FAM168B: variants seen among roughly 807,000 people sequenced by gnomAD.
FAM168B encodes the protein myelin-associated neurite-outgrowth inhibitor.
Under a neutral mutation model 21.8 loss-of-function variants are expected in FAM168B, and 19 were observed. The observed-to-expected ratio is 0.87, with a 90% CI of 0.61 to 1.28. FAM168B has a LOEUF of 1.28. Among genes scored for constraint, FAM168B ranks in the 50% most tolerant of loss-of-function variants. The pLI, the probability that FAM168B is intolerant of heterozygous loss-of-function variation, is 0.00. For synonymous variants in FAM168B, 126 were observed against 104.8 expected (o/e 1.20, Z -1.24); for missense variants, 233 against 263.1 (o/e 0.89, Z 0.79).
rs1304202860 is a variant in FAM168B, at chr2:131,052,290, G to C, written c.*175C>G. The C allele has an allele frequency of 1.0e-6, 1 of 985,840 alleles. No homozygotes were observed. Among genetic ancestry groups the C allele is most frequent in the African/African-American group, 1.7e-5 (1 of 57,248 alleles). The allele number at this position is 985,840 out of a possible 1,614,324, so 61.1% of individuals were successfully genotyped here. Reference sequence around the variant, plus strand: ...ATTTGCTTTAAGACCAACCCACAGAGTCAGCTGGAGACTAACGGCGCTGGG... The same window carrying C: ...ATTTGCTTTAAGACCAACCCACAGACTCAGCTGGAGACTAACGGCGCTGGG... On this transcript the variant is annotated 3_prime_UTR_variant, in exon 7 of 7. Coordinates refer to ENST00000389915, the MANE Select transcript of FAM168B (RefSeq NM_001009993.4).
At chr2:131,090,318 T>G (rs946257058) in intron 1 of FAM168B, among the ~76,000 whole-genome samples, 15 of 91,606 alleles carry the variant, frequency 1.6e-4, no homozygotes, top group Non-Finnish European at 2.4e-4. Context: ...GACTCTTGTC[T>G]CAAAAAAAAA....
chr2:131,087,209 C>T (rs1236273800), intron 1 of FAM168B, among the ~76,000 whole-genome samples: 2 of 152,094 alleles, frequency 1.3e-5, no homozygotes, highest in African/African-American at 4.8e-5. Context: ...CGGCTCATGC[C>T]TGTAATCCCA....
intron 2 of FAM168B, among the ~76,000 whole-genome samples, chr2:131,075,784 G>A (rs990780759): frequency 2.0e-5 from 3 of 151,962 alleles, no homozygotes; most frequent in African/African-American, 7.3e-5. Context: ...CACCGCGCCC[G>A]GCCCCCCAGT....
intron 1 of FAM168B, among the ~76,000 whole-genome samples, chr2:131,085,730 A>G (rs1228931665): frequency 6.6e-6 from 1 of 152,218 alleles, no homozygotes; most frequent in Non-Finnish European, 1.5e-5. Context: ...TTAAACTTCT[A>G]AACCAAATCC....
intron 3 of FAM168B, among the ~76,000 whole-genome samples, chr2:131,065,807 G>GAA (rs796177546): frequency 1.5e-4 from 14 of 94,834 alleles, no homozygotes; most frequent in African/African-American, 4.8e-4. Flanking sequence ...AAGAAAAAAA[G>GAA]AAAAAAAAAA....
chr2:131,082,639 G>C lies in FAM168B; in HGVS notation c.8C>G (p.Pro3Arg). 3 of 1,600,700 alleles carry C rather than the reference G, an allele frequency of 1.9e-6. No individual in the cohort carries two copies. Among genetic ancestry groups the C allele is most frequent in the Non-Finnish European group, 2.6e-6 (3 of 1,175,638 alleles). ...CCCAGAAGATCCAGGACTATAAACA[G>C]GATTCATGATTTCAAAAACTAAAAG... Reference protein sequence around the residue: MNPVYSPGSSGVP... With the variant: MNRVYSPGSSGVP... Residue 3 changes from proline to arginine, a missense_variant, in exon 2 of 7, where the codon CCT becomes CGT. Coordinates refer to ENST00000389915, the MANE Select transcript of FAM168B (RefSeq NM_001009993.4).
At chr2:131,060,040 G>A (rs916555190) in intron 3 of FAM168B, among the ~76,000 whole-genome samples, 1 of 151,440 alleles carries the variant, frequency 6.6e-6, no homozygotes, top group Non-Finnish European at 1.5e-5. Context: ...TTTTTTTTTG[G>A]ATGGAGTCTC....
rs189433128 is a variant in FAM168B, at chr2:131,088,118, C to T, written c.-12+5096G>A. 2.9e-3 allele frequency among the ~76,000 whole-genome samples: 437 copies of T among 152,162 alleles called. 1 individual carries two copies. The highest frequency in any genetic ancestry group is 1.0e-2 in the African/African-American group (415 of 41,504). ...AAAATTAGCTGGGCGTGGTGGCACA[C>T]ACCTGTAATCCCAGCTACTCGGGAG... is the stretch of plus-strand genomic sequence containing the variant. On this transcript the variant is annotated intron_variant, in intron 1 of 6. Coordinates refer to ENST00000389915, the MANE Select transcript of FAM168B (RefSeq NM_001009993.4).
At chr2:131,065,543 C>T (rs1692507709) in intron 3 of FAM168B, among the ~76,000 whole-genome samples, 1 of 152,082 alleles carries the variant, frequency 6.6e-6, no homozygotes, top group Non-Finnish European at 1.5e-5. Context: ...AATCCCAGCA[C>T]TTTGGGAGGC....
At chr2:131,078,383 A>C (rs1317831444) in intron 2 of FAM168B, among the ~76,000 whole-genome samples, 2 of 152,224 alleles carry the variant, frequency 1.3e-5, no homozygotes, top group African/African-American at 4.8e-5. Flanking sequence ...ATCTGTATTA[A>C]AGCTCATGGA....
At chr2:131,089,815 C>T (rs1693914924) in intron 1 of FAM168B, among the ~76,000 whole-genome samples, 1 of 151,834 alleles carries the variant, frequency 6.6e-6, no homozygotes, top group African/African-American at 2.4e-5. Flanking sequence ...GGGCAGATCA[C>T]GAGGTCAGGA....
intron 3 of FAM168B, among the ~76,000 whole-genome samples, chr2:131,068,486 T>C (rs1399637532): frequency 6.6e-6 from 1 of 152,148 alleles, no homozygotes; most frequent in Admixed American, 6.5e-5. Context: ...TTCACCAATT[T>C]CACAGCTTCT....
intron 1 of FAM168B, among the ~76,000 whole-genome samples, chr2:131,085,044 G>A (rs1693613055): frequency 6.6e-6 from 1 of 152,122 alleles, no homozygotes; most frequent in Non-Finnish European, 1.5e-5. Flanking sequence ...GACGTATGTG[G>A]TTATAAAGAT....
intron 1 of FAM168B, among the ~76,000 whole-genome samples, chr2:131,084,739 G>A (rs985176216): frequency 1.3e-5 from 2 of 151,816 alleles, no homozygotes; most frequent in Admixed American, 6.6e-5. Context: ...TCTTATCCAG[G>A]GTATTATTTA....
intron 3 of FAM168B, among the ~76,000 whole-genome samples, chr2:131,060,543 T>A (rs1692241052): frequency 6.6e-6 from 1 of 152,208 alleles, no homozygotes; most frequent in African/African-American, 2.4e-5. Context: ...AGTACATTAT[T>A]CTGATTCCAA....
At chr2:131,053,224 G>A (rs1000900495) in intron 5 of FAM168B, among the ~76,000 whole-genome samples, 4 of 152,184 alleles carry the variant, frequency 2.6e-5, no homozygotes, top group Non-Finnish European at 5.9e-5. Context: ...CAATATGTTC[G>A]TAAAAGCCTT....
At chr2:131,060,509 TA>T (rs1347368249) in intron 3 of FAM168B, among the ~76,000 whole-genome samples, 2 of 152,198 alleles carry the variant, frequency 1.3e-5, no homozygotes, top group Non-Finnish European at 2.9e-5. Flanking sequence ...TTCAACTTTA[TA>T]AAAAATTCAC....
At chr2:131,055,477 C>A in intron 4 of FAM168B, 28 bp from the exon 5 acceptor site, 1 of 1,602,918 alleles carries the variant, frequency 6.2e-7, no homozygotes, top group East Asian at 2.2e-5. Context: ...ACAACTGACA[C>A]AGGGTCCCAG....
intron 1 of FAM168B, among the ~76,000 whole-genome samples, chr2:131,083,909 TTTA>T (rs1299088489): frequency 2.0e-5 from 3 of 149,672 alleles, no homozygotes; most frequent in Non-Finnish European, 4.4e-5. Flanking sequence ...TATTTATTTA[TTTA>T]TTTATTTTCC....
Sources: gnomAD v4.1 joint callset for allele counts (sites outside exome capture counted in the v4.1 genomes callset) on GRCh38, gnomAD v4.1.1 for gene constraint, MANE v1.5 for transcripts, NCBI Gene and HGNC (gene_info 2026-07-23, HGNC 2026-07-21) for gene names.